Variants in RHOU observed in about 807,000 individuals in gnomAD.
RHOU encodes ras homolog family member U.
Under a neutral mutation model 12.6 loss-of-function variants are expected in RHOU, and 8 were observed. The ratio of observed to expected loss-of-function variants is 0.64; its 90% CI spans 0.37 to 1.15. The LOEUF is 1.15. Among genes scored for constraint, RHOU ranks in the 50% most tolerant of loss-of-function variants. The probability of loss-of-function intolerance (pLI) is 0.01; values close to 1 mark genes in which losing one functional copy is unlikely to be tolerated. For synonymous variants in RHOU, 161 were observed against 147.4 expected, an observed-to-expected ratio of 1.09 and a Z score of -0.67; for missense variants, 258 against 347.0, an observed-to-expected ratio of 0.74 and a Z score of 2.04.
the RHOU span, among the ~76,000 whole-genome samples, chr1:228,686,662 G>A: frequency 6.6e-6 from 1 of 152,158 alleles, no homozygotes; most frequent in Non-Finnish European, 1.5e-5. Context: ...CTTTTTAAAG[G>A]TCTGGTCTGG....
the RHOU span, among the ~76,000 whole-genome samples, chr1:228,658,797 A>G: frequency 6.6e-6 from 1 of 152,212 alleles, no homozygotes; most frequent in Non-Finnish European, 1.5e-5. Context: ...CCTGGGTATT[A>G]AAAAAGTAAG....
chr1:228,690,913 G>A, the RHOU span, among the ~76,000 whole-genome samples: 1 of 152,198 alleles, frequency 6.6e-6, no homozygotes, highest in Non-Finnish European at 1.5e-5. Flanking sequence ...TCCGTGCATG[G>A]TGGAAGATTA....
At chr1:228,703,585 A>G in the RHOU span, among the ~76,000 whole-genome samples, 1 of 151,892 alleles carries the variant, frequency 6.6e-6, no homozygotes, top group Non-Finnish European at 1.5e-5. Flanking sequence ...TATTTTAGAG[A>G]CTGTTTTAGT....
the RHOU span, among the ~76,000 whole-genome samples, chr1:228,647,517 C>A: frequency 2.9e-3 from 435 of 152,316 alleles, 4 homozygotes; most frequent in Middle Eastern, 0.024. Context: ...GCAGTCCATG[C>A]GTTCTGGAGC....
At chr1:228,709,897 A>G in the RHOU span, among the ~76,000 whole-genome samples, 7 of 152,176 alleles carry the variant, frequency 4.6e-5, no homozygotes, top group Admixed American at 2.0e-4. Flanking sequence ...GATCAACAAA[A>G]TTGATAGACC....
chr1:228,659,401 A>G, the RHOU span, among the ~76,000 whole-genome samples: 4 of 152,096 alleles, frequency 2.6e-5, no homozygotes, highest in African/African-American at 9.7e-5. Context: ...AAACAAAACA[A>G]AAAACACCAA....
the RHOU span, among the ~76,000 whole-genome samples, chr1:228,725,547 A>C: frequency 6.6e-6 from 1 of 152,220 alleles, no homozygotes; most frequent in Non-Finnish European, 1.5e-5. Context: ...AGGCTGTGAG[A>C]GTGCCAAAGA....
In RHOU at chr1:228,737,695, G is replaced by T; in HGVS notation, c.285G>T (p.Arg95=). The change falls in exon 2 of 3, where the codon CGG becomes CGT. Residue 95 remains arginine (R), a synonymous_variant. Coordinates refer to ENST00000366691, the MANE Select transcript of RHOU (RefSeq NM_021205.6). The surrounding 1 kb of genome is among the most constrained non-coding windows in gnomAD (Gnocchi z 4.1). ...AAGCGGTGGTGTCTGTGGATGGGCGGCCCGTGAGACTCCAACTCTGTGACA... is the reference window on the plus strand; with the variant it reads ...AAGCGGTGGTGTCTGTGGATGGGCGTCCCGTGAGACTCCAACTCTGTGACA... ...NFSAVVSVDG[R]PVRLQLCDTA... is the part of the protein sequence containing the mutation. The T allele has an allele frequency of 6.2e-7, 1 of 1,614,100 alleles. No individual in the cohort carries two copies. The highest frequency in any genetic ancestry group is 8.5e-7 in the Non-Finnish European group (1 of 1,180,016).
At chr1:228,725,795 C>A in the RHOU span, among the ~76,000 whole-genome samples, 1 of 152,146 alleles carries the variant, frequency 6.6e-6, no homozygotes, top group Non-Finnish European at 1.5e-5. Flanking sequence ...AAATTTTAAA[C>A]ATAAAGTAGT....
At chr1:228,693,142 G>T in the RHOU span, among the ~76,000 whole-genome samples, 1 of 152,148 alleles carries the variant, frequency 6.6e-6, no homozygotes, top group Non-Finnish European at 1.5e-5. Context: ...AAAAGAGAAA[G>T]AAAACAATAA....
the RHOU span, among the ~76,000 whole-genome samples, chr1:228,663,823 G>C: frequency 6.6e-6 from 1 of 151,024 alleles, no homozygotes; most frequent in South Asian, 2.1e-4. Context: ...AGTAGAGACG[G>C]GGCTTCACCA....
At chr1:228,662,433 A>C in the RHOU span, among the ~76,000 whole-genome samples, 1 of 152,214 alleles carries the variant, frequency 6.6e-6, no homozygotes, top group Non-Finnish European at 1.5e-5. Context: ...AACCAACCCA[A>C]ATGTCCATCA....
chr1:228,724,669 A>T, the RHOU span, among the ~76,000 whole-genome samples: 1 of 152,214 alleles, frequency 6.6e-6, no homozygotes, highest in East Asian at 1.9e-4. Flanking sequence ...TATACAATAC[A>T]TGATTATTAA....
the RHOU span, among the ~76,000 whole-genome samples, chr1:228,672,545 G>T: frequency 6.6e-6 from 1 of 152,150 alleles, no homozygotes; most frequent in African/African-American, 2.4e-5. Context: ...ATTTAGGTGG[G>T]TCAGCTTGAT....
the RHOU span, among the ~76,000 whole-genome samples, chr1:228,663,620 C>CTTTTTTTTT: frequency 4.9e-5 from 4 of 80,824 alleles, no homozygotes; most frequent in African/African-American, 2.0e-4. Flanking sequence ...CTTTTCTTTT[C>CTTTTTTTTT]TTTTCTTTTT....
At chr1:228,682,428 G>T in the RHOU span, among the ~76,000 whole-genome samples, 2 of 152,218 alleles carry the variant, frequency 1.3e-5, no homozygotes, top group Non-Finnish European at 2.9e-5. Flanking sequence ...TCACCTGGGT[G>T]TAGGTGGGCT....
chr1:228,650,767 C>T, the RHOU span: 4 of 434,622 alleles, frequency 9.2e-6, no homozygotes, highest in East Asian at 1.8e-4. Flanking sequence ...CAGTTGAAAT[C>T]CTTTCCTCCC....
chr1:228,687,965 T>TCCTCCCTC, the RHOU span: 2 of 657,660 alleles, frequency 3.0e-6, no homozygotes, highest in Admixed American at 2.1e-5. Context: ...CTTCTGTCCT[T>TCCTCCCTC]CCTCCCTCCC....
chr1:228,689,804 C>G, the RHOU span, among the ~76,000 whole-genome samples: 1 of 151,904 alleles, frequency 6.6e-6, no homozygotes, highest in South Asian at 2.1e-4. Context: ...GAAACCATCC[C>G]TACCACCCCT....
Sources: gnomAD v4.1 joint callset for allele counts (sites outside exome capture counted in the v4.1 genomes callset) on GRCh38, gnomAD v4.1.1 for gene constraint, Gnocchi (gnomAD v3.1) non-coding constraint, MANE v1.5 for transcripts, NCBI Gene and HGNC (gene_info 2026-07-23, HGNC 2026-07-21) for gene names.